PCDHA8: variants seen among roughly 807,000 people sequenced by gnomAD.
PCDHA8 encodes protocadherin alpha 8.
A neutral mutation model predicts 61.8 loss-of-function variants in PCDHA8; 53 were observed. That is an observed-to-expected ratio of 0.86 (90% CI 0.69 to 1.08). The LOEUF (loss-of-function observed/expected upper bound fraction) is 1.08. PCDHA8 is among the 50% of genes least tolerant of loss of function. The pLI is 0.00. For synonymous variants in PCDHA8, 618 were observed against 556.6 expected (o/e 1.11, Z -1.55); for missense variants, 1,293 against 1,245.0 (o/e 1.04, Z -0.58).
intron 1 of PCDHA8, chr5:140,877,906 A>C: frequency 7.0e-7 from 1 of 1,435,008 alleles, no homozygotes; most frequent in Non-Finnish European, 9.2e-7. Flanking sequence ...TTATAACTAC[A>C]TTCTCTCATT....
At chr5:140,945,371 A>G (rs926668947) in intron 1 of PCDHA8, among the ~76,000 whole-genome samples, 2 of 152,104 alleles carry the variant, frequency 1.3e-5, no homozygotes, top group African/African-American at 4.8e-5. Context: ...AAATGTCCAT[A>G]TTACCCAAAG....
Position 140,857,860 on chromosome 5 carries a change from G to A in PCDHA8, c.2394+14145G>A, listed in dbSNP as rs532607436. On this transcript the variant is annotated intron_variant, in intron 1 of 3. Transcript: ENST00000531613. ...TGGACGCTGACTCTGGATACAACGC[G>A]TGGCTGTCGTATGAATTGCAGTCGG... 1.9e-6 allele frequency: 3 copies of A among 1,597,882 alleles called. 1 individual carries two copies. Among genetic ancestry groups the A allele is most frequent in the South Asian group, 1.1e-5 (1 of 90,496 alleles).
chr5:140,989,004 CTTA>C (rs1445940440), intron 3 of PCDHA8: 15 of 152,184 alleles, frequency 9.9e-5, no homozygotes, highest in African/African-American at 3.4e-4. Context: ...GAAATAGAGA[CTTA>C]TTATAGTTTC....
At chr5:140,952,410 T>C (rs2094741343) in intron 1 of PCDHA8, among the ~76,000 whole-genome samples, 1 of 151,978 alleles carries the variant, frequency 6.6e-6, no homozygotes, top group Non-Finnish European at 1.5e-5. Flanking sequence ...TCAAATTTAA[T>C]GTTCCGCAGA....
At chr5:140,899,964 T>A (rs543512832) in intron 1 of PCDHA8, among the ~76,000 whole-genome samples, 3 of 151,824 alleles carry the variant, frequency 2.0e-5, no homozygotes, top group African/African-American at 7.3e-5. Flanking sequence ...TGTGCTGCCA[T>A]GCCCAGCTAC....
At chr5:140,869,521 C>G (rs782236624) in intron 1 of PCDHA8, 1 of 1,614,182 alleles carries the variant, frequency 6.2e-7, no homozygotes, top group Non-Finnish European at 8.5e-7. Context: ...AGAACAAAAG[C>G]TGCTGATTGC....
rs1486746921 is a variant in PCDHA8 at position 141,009,728 on chromosome 5, G to A, written c.2644G>A (p.Gly882Ser). Residue 882 changes from glycine (G) to serine (S), a missense_variant, in exon 4 of 4, where the codon GGT becomes AGT. Gly to Ser is a moderately conservative substitution (Grantham distance 56). Coordinates refer to ENST00000531613, the MANE Select transcript of PCDHA8 (RefSeq NM_018911.3). The part of the protein sequence containing the change: ...GPGNPKQSGP[G>S]ELPDKFIIPG... ...AGGCAACCCCAAACAATCCGGTCCC[G>A]GTGAGTTGCCCGACAAATTCATTAT... The A allele has an allele frequency of 3.1e-6, 5 of 1,613,998 alleles. No homozygotes were observed. The highest frequency in any genetic ancestry group is 2.2e-5 in the East Asian group (1 of 44,874).
chr5:140,882,270 T>C lies in PCDHA8; in HGVS notation c.2394+38555T>C, dbSNP rs782125538. ...GCTCTGAGGTTTTTGGAGTGTACCA[T>C]GCTGTCTTCCTGGCAAGGAGGCCCA... On this transcript the variant is annotated intron_variant, in intron 1 of 3. Coordinates refer to ENST00000531613, the MANE Select transcript of PCDHA8 (RefSeq NM_018911.3). 35 of 1,611,468 alleles carry C rather than the reference T, an allele frequency of 2.2e-5. 1 individual carries two copies. The South Asian group carries it at 3.9e-4, about 18-fold the overall frequency.
chr5:140,877,719 T>G (rs782112072), intron 1 of PCDHA8: 2 of 1,614,102 alleles, frequency 1.2e-6, no homozygotes, highest in South Asian at 1.1e-5. Context: ...GGAGTTGGTC[T>G]TACTCGCAGC....
At chr5:140,859,508 T>A (rs1298997050) in intron 1 of PCDHA8, 1 of 197,594 alleles carries the variant, frequency 5.1e-6, no homozygotes, top group Non-Finnish European at 1.0e-5. Flanking sequence ...CTGATACCCA[T>A]GATTTCATTT....
intron 1 of PCDHA8, chr5:140,929,003 G>A: frequency 6.2e-7 from 1 of 1,614,106 alleles, no homozygotes; most frequent in South Asian, 1.1e-5. Flanking sequence ...TTCTTCGTGT[G>A]TACCAAGTTG....
At chr5:140,862,664 C>A in intron 1 of PCDHA8, 1 of 547,450 alleles carries the variant, frequency 1.8e-6, no homozygotes, top group Non-Finnish European at 3.7e-6. Flanking sequence ...GACCGGGACG[C>A]GCAGGAGAAC....
intron 1 of PCDHA8, among the ~76,000 whole-genome samples, chr5:140,960,324 G>A (rs2095540604): frequency 6.6e-6 from 1 of 152,168 alleles, no homozygotes; most frequent in Non-Finnish European, 1.5e-5. Context: ...AGGGTCCTGT[G>A]AGAAGTACAT....
chr5:140,980,877 C>T (rs1321284538), intron 2 of PCDHA8, among the ~76,000 whole-genome samples: 9 of 152,186 alleles, frequency 5.9e-5, no homozygotes, highest in African/African-American at 1.7e-4. Flanking sequence ...TGGGTGTTCT[C>T]GGTCTTTCCA....
At chr5:140,888,018 T>A (rs557919672) in intron 1 of PCDHA8, among the ~76,000 whole-genome samples, 1 of 152,360 alleles carries the variant, frequency 6.6e-6, no homozygotes, top group South Asian at 2.1e-4. Context: ...TTTATCTATA[T>A]GTTTGAGCAT....
chr5:141,010,360 C>T lies in PCDHA8; in HGVS notation c.*423C>T, dbSNP rs1436094767. 22 of 1,488,936 alleles carry T rather than the reference C, an allele frequency of 1.5e-5. No individual in the cohort carries two copies. Among genetic ancestry groups the T allele is most frequent in the Non-Finnish European group, 1.9e-5 (21 of 1,118,260 alleles). The allele number at this position is 1,488,936 out of a possible 1,614,324, so 92.2% of individuals were successfully genotyped here. ...GGCCACTGGGTATGTGTGGCTACCG[C>T]GGGTATGCGAGTGCCAGATATTGGC... On this transcript the variant is annotated 3_prime_UTR_variant, in exon 4 of 4. Coordinates refer to ENST00000531613, the MANE Select transcript of PCDHA8 (RefSeq NM_018911.3).
intron 1 of PCDHA8, among the ~76,000 whole-genome samples, chr5:140,960,597 C>G (rs1315375637): frequency 1.3e-5 from 2 of 152,092 alleles, no homozygotes; most frequent in Non-Finnish European, 2.9e-5. Flanking sequence ...ATTCAAGGTA[C>G]TTCAACAATA....
chr5:140,884,582 T>G, intron 1 of PCDHA8: 1 of 1,614,172 alleles, frequency 6.2e-7, no homozygotes, highest in South Asian at 1.1e-5. Flanking sequence ...CCTCATGGCC[T>G]TCAGTCCCAG....
intron 1 of PCDHA8, chr5:140,871,603 T>C (rs919844711): frequency 6.2e-6 from 9 of 1,443,200 alleles, no homozygotes; most frequent in Admixed American, 5.5e-5. Flanking sequence ...AACCAGTGTT[T>C]TGAATATTGT....
Sources: allele counts gnomAD v4.1 joint callset (sites outside exome capture counted in the v4.1 genomes callset), GRCh38; gene constraint gnomAD v4.1.1; transcripts MANE v1.5; gene names NCBI Gene and HGNC (gene_info 2026-07-23, HGNC 2026-07-21).